Variants in LPP observed in about 807,000 individuals in gnomAD.
LPP encodes the protein lipoma-preferred partner.
LPP carries 38 observed loss-of-function variants against 60.4 expected under a neutral mutation model. The ratio of observed to expected loss-of-function variants is 0.63; its 90% CI spans 0.49 to 0.83. The LOEUF is 0.83. Among genes scored for constraint, LPP ranks in the 40% least tolerant of loss-of-function variants. LPP has a pLI of 0.00. For synonymous variants in LPP, 328 were observed against 290.8 expected, an observed-to-expected ratio of 1.13 and a Z score of -1.30; for missense variants, 902 against 783.6, an observed-to-expected ratio of 1.15 and a Z score of -1.80.
intron 3 of LPP, among the ~76,000 whole-genome samples, chr3:188,346,510 C>T (rs1015731835): frequency 4.0e-5 from 6 of 151,590 alleles, no homozygotes; most frequent in East Asian, 1.9e-4. Context: ...GGAGTCCACC[C>T]GCCTCGGCCT....
intron 6 of LPP, among the ~76,000 whole-genome samples, chr3:188,554,388 A>C (rs746086824): frequency 1.4e-4 from 21 of 152,198 alleles, no homozygotes; most frequent in Admixed American, 8.5e-4. Flanking sequence ...TCCTGTAAAC[A>C]AACCCCAAAA....
chr3:188,301,216 C>T (rs192907854), intron 2 of LPP, among the ~76,000 whole-genome samples: 1 of 152,302 alleles, frequency 6.6e-6, no homozygotes, highest in East Asian at 1.9e-4. Flanking sequence ...CTATCCATAT[C>T]TACACCTGCT....
intron 3 of LPP, among the ~76,000 whole-genome samples, chr3:188,368,719 CAGAG>C (rs374471455): frequency 0.33 from 32,438 of 98,074 alleles, 4,257 homozygotes; most frequent in Admixed American, 0.48. Context: ...CACACACACA[CAGAG>C]AGAGAGAGAG....
chr3:188,378,805 C>A (rs1023136088), intron 3 of LPP, among the ~76,000 whole-genome samples: 4 of 152,248 alleles, frequency 2.6e-5, no homozygotes, highest in African/African-American at 4.8e-5. Flanking sequence ...CTGCGTCGCT[C>A]CCTCTGGGAG....
At chr3:188,738,485 A>G (rs1723285676) in intron 8 of LPP, among the ~76,000 whole-genome samples, 1 of 152,178 alleles carries the variant, frequency 6.6e-6, no homozygotes, top group Non-Finnish European at 1.5e-5. Context: ...TAATTGTTTA[A>G]TGGAATATGG....
At chr3:188,781,730 A>T (rs1418928526) in intron 9 of LPP, among the ~76,000 whole-genome samples, 3 of 151,716 alleles carry the variant, frequency 2.0e-5, no homozygotes, top group Non-Finnish European at 4.4e-5. Flanking sequence ...AAAAAAAAAA[A>T]AATACAAAAA....
intron 5 of LPP, among the ~76,000 whole-genome samples, chr3:188,511,720 T>C (rs1815725897): frequency 6.6e-6 from 1 of 152,186 alleles, no homozygotes; most frequent in Admixed American, 6.5e-5. Flanking sequence ...AATAATAACA[T>C]CTACTAATCT....
intron 9 of LPP, among the ~76,000 whole-genome samples, chr3:188,840,033 G>A (rs912351702): frequency 2.0e-5 from 3 of 152,038 alleles, no homozygotes; most frequent in African/African-American, 4.8e-5. Context: ...TGGGGTAAAT[G>A]GTATTATTCC....
chr3:188,487,750 G>A (rs1456120196), intron 5 of LPP, among the ~76,000 whole-genome samples: 2 of 152,140 alleles, frequency 1.3e-5, no homozygotes, highest in African/African-American at 4.8e-5. Flanking sequence ...CATGATCACT[G>A]GAGAAAATTC....
At chr3:188,489,289 T>C (rs1483348604) in intron 5 of LPP, among the ~76,000 whole-genome samples, 1 of 152,204 alleles carries the variant, frequency 6.6e-6, no homozygotes, top group Non-Finnish European at 1.5e-5. Context: ...TTGGTCATCA[T>C]ACATTGATCA....
intron 1 of LPP, among the ~76,000 whole-genome samples, chr3:188,214,654 AC>A (rs1560117335): frequency 1.3e-5 from 2 of 152,180 alleles, no homozygotes; most frequent in African/African-American, 4.8e-5. Flanking sequence ...ACTCCCAGGA[AC>A]CTGTACACAA....
intron 4 of LPP, among the ~76,000 whole-genome samples, chr3:188,479,236 T>C (rs1804079387): frequency 6.6e-6 from 1 of 152,180 alleles, no homozygotes; most frequent in South Asian, 2.1e-4. Context: ...ATGCTTACCT[T>C]AATAGTTAGA....
At chr3:188,808,291 G>A (rs1749782855) in intron 9 of LPP, among the ~76,000 whole-genome samples, 1 of 151,932 alleles carries the variant, frequency 6.6e-6, no homozygotes, top group Non-Finnish European at 1.5e-5. Flanking sequence ...ATGTAAATTA[G>A]TTTTGTGGTT....
intron 7 of LPP, among the ~76,000 whole-genome samples, chr3:188,642,794 G>A (rs1396457345): frequency 3.3e-5 from 5 of 152,108 alleles, no homozygotes; most frequent in Admixed American, 3.3e-4. Context: ...AAATTAGCTG[G>A]GTGTGGTGGC....
intron 2 of LPP, among the ~76,000 whole-genome samples, chr3:188,239,146 C>G (rs946536508): frequency 6.6e-6 from 1 of 152,202 alleles, no homozygotes; most frequent in African/African-American, 2.4e-5. Context: ...CGTGGGGTTT[C>G]CCTCCATGGC....
rs1018376844 is a variant in LPP, at chr3:188,250,792, T to G, written c.-67+25265T>G. Among the ~76,000 whole-genome samples, 47 of 86,926 alleles carry G rather than the reference T, an allele frequency of 5.4e-4. 1 individual carries two copies. Among genetic ancestry groups the G allele is most frequent in the Middle Eastern group, 5.7e-3 (1 of 174 alleles). The allele number at this position is 86,926 out of a possible 152,430, so 57.0% of individuals were successfully genotyped here. On this transcript the variant is annotated intron_variant, in intron 2 of 11. Transcript: ENST00000617246. ...TTTCTTTCTTTCTTTCTTTCTGTCTTTCTCTTTCTTTCTTTCTCTTTCTTT... is the reference window on the plus strand; with the variant it reads ...TTTCTTTCTTTCTTTCTTTCTGTCTGTCTCTTTCTTTCTTTCTCTTTCTTT...
chr3:188,611,036 T>C (rs1478325821), intron 7 of LPP, among the ~76,000 whole-genome samples: 10 of 152,250 alleles, frequency 6.6e-5, no homozygotes, highest in Non-Finnish European at 1.5e-4. Context: ...TTCAACATTG[T>C]ATCAAAAATT....
chr3:188,795,461 G>T (rs542746126), intron 9 of LPP, among the ~76,000 whole-genome samples: 63 of 152,304 alleles, frequency 4.1e-4, no homozygotes, highest in African/African-American at 1.5e-3. Flanking sequence ...CAGATTATGT[G>T]AATTAAAATT....
Position 188,828,169 on chromosome 3 carries a change from CA to C in LPP, c.1411-38029del, listed in dbSNP as rs146902437. On this transcript the variant is annotated intron_variant, in intron 9 of 11. Transcript: ENST00000617246. Reference sequence around the variant, plus strand: ...TGGAGTTTCCATTCTAGTGGGGACACAATAAACAAAATAATTGGCAAATTAT... The same window carrying C: ...TGGAGTTTCCATTCTAGTGGGGACACATAAACAAAATAATTGGCAAATTAT... 6.8e-3 allele frequency among the ~76,000 whole-genome samples: 1,031 copies of C among 151,930 alleles called. 12 individuals carry two copies. Among genetic ancestry groups the C allele is most frequent in the African/African-American group, 0.024 (995 of 41,414 alleles).
Sources: allele counts gnomAD v4.1 joint callset (sites outside exome capture counted in the v4.1 genomes callset), GRCh38; gene constraint gnomAD v4.1.1; transcripts MANE v1.5; gene names NCBI Gene and HGNC (gene_info 2026-07-23, HGNC 2026-07-21).